AANAT: variants seen among roughly 807,000 people sequenced by gnomAD.
The protein encoded by AANAT is aralkylamine N-acetyltransferase.
A neutral mutation model predicts 15.6 loss-of-function variants in AANAT; 11 were observed. The ratio of observed to expected loss-of-function variants is 0.71; its 90% CI spans 0.44 to 1.17. The LOEUF is 1.17. Ranked by LOEUF, AANAT falls within the 50% of genes most tolerant of loss-of-function variation. The pLI, the probability that AANAT is intolerant of heterozygous loss-of-function variation, is 0.00. For synonymous variants in AANAT, 139 were observed against 131.5 expected (o/e 1.06, Z -0.39); for missense variants, 286 against 296.3 (o/e 0.97, Z 0.26).
In AANAT at chr17:76,469,463, T is replaced by C. The variant is rs2073489193; in HGVS notation, c.318+136T>C. Reference sequence around the variant, plus strand: ...GAGATGAGTACAGGCCACAGGCCCCTCCCAGAGCAAGACCTTCTGGGTCTT... The same window carrying C: ...GAGATGAGTACAGGCCACAGGCCCCCCCCAGAGCAAGACCTTCTGGGTCTT... On this transcript the variant is annotated intron_variant, in intron 3 of 3. Transcript: ENST00000392492. This position sits in a 1 kb window ranked among gnomAD's most constrained non-coding sequence, Gnocchi z 5.2. The C allele has an allele frequency of 2.3e-6, 3 of 1,333,138 alleles. No homozygotes were observed. Among genetic ancestry groups the C allele is most frequent in the Non-Finnish European group, 2.0e-6 (2 of 983,160 alleles). The allele number at this position is 1,333,138 out of a possible 1,614,324, so 82.6% of individuals were successfully genotyped here.
At chr17:76,464,859 G>A (rs940448361), upstream of AANAT, among the ~76,000 whole-genome samples, 6 of 151,186 alleles carry the variant, frequency 4.0e-5, no homozygotes, top group African/African-American at 1.5e-4. Flanking sequence ...ACAATGGCAC[G>A]ATCTTGGCTC....
intron 1 of AANAT, 135 bp downstream of exon 1, chr17:76,467,862 C>A: frequency 2.0e-6 from 1 of 494,728 alleles, no homozygotes; most frequent in Non-Finnish European, 2.6e-6. Flanking sequence ...GAGGGATGGC[C>A]TCCTCTAAGA....
Position 76,469,168 on chromosome 17 carries a change from C to T in AANAT, c.164-5C>T, listed in dbSNP as rs1323679775. The T allele has an allele frequency of 6.2e-7, 1 of 1,614,026 alleles. No homozygotes were observed. Among genetic ancestry groups the T allele is most frequent in the Non-Finnish European group, 8.5e-7 (1 of 1,179,974 alleles). ...CCAGTCACCCACCTGAGCCTCCTGC[C>T]ACAGCCTTCATCTCCGTCTTGGGCG... On this transcript the variant is annotated splice_region_variant and splice_polypyrimidine_tract_variant and intron_variant, in intron 2 of 3. Coordinates refer to ENST00000392492, the MANE Select transcript of AANAT (RefSeq NM_001088.3). This position sits in a 1 kb window ranked among gnomAD's most constrained non-coding sequence, Gnocchi z 5.2.
At chr17:76,460,315 A>G (rs2073376757) in intron 2 of AANAT, among the ~76,000 whole-genome samples, 1 of 151,636 alleles carries the variant, frequency 6.6e-6, no homozygotes, top group African/African-American at 2.4e-5. Flanking sequence ...ACACCTGGGT[A>G]ATTTTTTTGT....
chr17:76,467,556 G>A, upstream of AANAT: 1 of 985,542 alleles, frequency 1.0e-6, no homozygotes, highest in Non-Finnish European at 1.2e-6. Flanking sequence ...CTCGAGAGGT[G>A]GGGTGGGGGG....
At chr17:76,464,103 G>A (rs1293184377), upstream of AANAT, among the ~76,000 whole-genome samples, 5 of 152,222 alleles carry the variant, frequency 3.3e-5, no homozygotes, top group Non-Finnish European at 1.5e-5. Context: ...CACTTTAGGA[G>A]GCTGAGGCAG....
Position 76,469,036 on chromosome 17 carries a change from G to C in AANAT, c.163+127G>C. Reference sequence around the variant, plus strand: ...AGTATCAGACCATGTGTGCGCTCAAGAAAGTGGGGGAAACAGCAGCCCTAA... The same window carrying C: ...AGTATCAGACCATGTGTGCGCTCAACAAAGTGGGGGAAACAGCAGCCCTAA... On this transcript the variant is annotated intron_variant, in intron 2 of 3. Transcript: ENST00000392492. The surrounding 1 kb of genome is among the most constrained non-coding windows in gnomAD (Gnocchi z 5.2). The C allele has an allele frequency of 6.7e-7, 1 of 1,493,010 alleles. No homozygotes were observed. The allele number at this position is 1,493,010 out of a possible 1,614,324, so 92.5% of individuals were successfully genotyped here.
In AANAT at chr17:76,470,029, G is replaced by A; in HGVS notation, c.*59G>A. 7.1e-7 allele frequency: 1 copy of A among 1,413,870 alleles called. No individual in the cohort carries two copies. The highest frequency in any genetic ancestry group is 9.3e-7 in the Non-Finnish European group (1 of 1,072,148). 87.6% of individuals were successfully genotyped at this position (1,413,870 alleles called of 1,614,324 possible). Reference sequence around the variant, plus strand: ...CCGTCTCTGCCCTGGGCTCCTCTTAGCTCAGCTGAGCATGGAGACAGCAGT... The same window carrying A: ...CCGTCTCTGCCCTGGGCTCCTCTTAACTCAGCTGAGCATGGAGACAGCAGT... On this transcript the variant is annotated 3_prime_UTR_variant, in exon 4 of 4. Coordinates refer to ENST00000392492, the MANE Select transcript of AANAT (RefSeq NM_001088.3).
intron 2 of AANAT, among the ~76,000 whole-genome samples, chr17:76,460,522 A>G (rs1424552180): frequency 6.6e-6 from 1 of 150,962 alleles, no homozygotes; most frequent in African/African-American, 2.4e-5. Flanking sequence ...CTGGTCTTGA[A>G]CTCCTTGGGC....
intron 1 of AANAT, among the ~76,000 whole-genome samples, chr17:76,456,376 C>T (rs2073343803): frequency 6.6e-6 from 1 of 151,526 alleles, no homozygotes; most frequent in Admixed American, 6.6e-5. Flanking sequence ...CAGATGGCAG[C>T]CTAAGTACTT....
At chr17:76,458,348 C>A (rs2073358230) in intron 1 of AANAT, among the ~76,000 whole-genome samples, 1 of 152,148 alleles carries the variant, frequency 6.6e-6, no homozygotes, top group Non-Finnish European at 1.5e-5. Context: ...CCCCCAGCCA[C>A]GGTCTCCATA....
At chr17:76,467,199 A>C (rs1344482522), upstream of AANAT, among the ~76,000 whole-genome samples, 1 of 152,120 alleles carries the variant, frequency 6.6e-6, no homozygotes, top group African/African-American at 2.4e-5. Context: ...TGAATATTTA[A>C]ATATTTAATT....
upstream of AANAT, among the ~76,000 whole-genome samples, chr17:76,463,254 A>G (rs2073406503): frequency 1.3e-5 from 2 of 150,842 alleles, no homozygotes; most frequent in South Asian, 4.2e-4. Context: ...GTCACCATTA[A>G]GGCCATTCCT....
chr17:76,458,306 G>A (rs2073357828), intron 1 of AANAT, among the ~76,000 whole-genome samples: 1 of 152,156 alleles, frequency 6.6e-6, no homozygotes. Flanking sequence ...TCTGGATAAG[G>A]TTTGAGGCTT....
intron 1 of AANAT, among the ~76,000 whole-genome samples, chr17:76,468,304 C>A (rs1483390216): frequency 1.3e-5 from 2 of 152,132 alleles, no homozygotes; most frequent in Admixed American, 1.3e-4. Flanking sequence ...GGTCACGAGT[C>A]CTGCCTCCCC....
upstream of AANAT, among the ~76,000 whole-genome samples, chr17:76,464,371 G>C (rs530000856): frequency 2.8e-4 from 42 of 151,948 alleles, no homozygotes; most frequent in Non-Finnish European, 5.9e-4. Context: ...ATATTCTGGA[G>C]TCTTGAAGTG....
intron 1 of AANAT, among the ~76,000 whole-genome samples, chr17:76,456,825 T>C (rs1432810462): frequency 2.0e-5 from 3 of 152,224 alleles, no homozygotes; most frequent in Admixed American, 2.0e-4. Context: ...ATCTTGGATA[T>C]AGAGAGTTTT....
chr17:76,469,212 A>G lies in AANAT; in HGVS notation c.203A>G (p.Asp68Gly). 1 of 1,614,130 alleles carries G rather than the reference A, an allele frequency of 6.2e-7. No individual in the cohort carries two copies. The stretch of plus-strand genomic sequence containing the variant: ...TTGGGCGTCTGCCCCCTGTACCTGG[A>G]TGAGATCCGGCACTTCCTGACCCTA... ...SVLGVCPLYL[D>G]EIRHFLTLCP... Residue 68 changes from aspartate (D) to glycine (G), a missense_variant, in exon 3 of 4, where the codon GAT becomes GGT. By Grantham distance (94) the Asp-to-Gly change is moderately conservative (BLOSUM62 -1). Coordinates refer to ENST00000392492, the MANE Select transcript of AANAT (RefSeq NM_001088.3). The surrounding 1 kb of genome is among the most constrained non-coding windows in gnomAD (Gnocchi z 5.2).
upstream of AANAT, chr17:76,466,120 C>T: frequency 6.8e-7 from 1 of 1,462,226 alleles, no homozygotes; most frequent in Non-Finnish European, 9.3e-7. Context: ...GAACAGCAGG[C>T]TCTTCTCAGG....
Sources: allele counts gnomAD v4.1 joint callset (sites outside exome capture counted in the v4.1 genomes callset), GRCh38; gene constraint gnomAD v4.1.1; non-coding constraint Gnocchi (gnomAD v3.1); transcripts MANE v1.5; gene names NCBI Gene and HGNC (gene_info 2026-07-23, HGNC 2026-07-21).